Variants in SDK1 observed in about 807,000 individuals in gnomAD.
The protein encoded by SDK1 is protein sidekick-1.
SDK1 carries 157 observed loss-of-function variants against 245.5 expected under a neutral mutation model. The observed-to-expected ratio is 0.64, with a 90% CI of 0.56 to 0.73. The LOEUF (loss-of-function observed/expected upper bound fraction) is 0.73. SDK1 is among the 30% of genes least tolerant of loss of function. The pLI is 0.00. For synonymous variants in SDK1, 1,647 were observed against 1,278.5 expected (o/e 1.29, Z -6.15); for missense variants, 3,583 against 3,002.3 (o/e 1.19, Z -4.52).
At chr7:3,701,340 A>C (rs1171950018) in intron 4 of SDK1, among the ~76,000 whole-genome samples, 1 of 152,258 alleles carries the variant, frequency 6.6e-6, no homozygotes, top group Non-Finnish European at 1.5e-5. Flanking sequence ...GTCTATAAAA[A>C]GTGGACTATG....
At chr7:4,124,722 G>T (rs1392506092) in intron 25 of SDK1, among the ~76,000 whole-genome samples, 4 of 152,218 alleles carry the variant, frequency 2.6e-5, no homozygotes, top group Non-Finnish European at 4.4e-5. Context: ...GCATTATTGT[G>T]CAAGCCCCCC....
intron 1 of SDK1, among the ~76,000 whole-genome samples, chr7:3,540,664 A>G (rs1779029479): frequency 6.6e-6 from 1 of 152,160 alleles, no homozygotes; most frequent in South Asian, 2.1e-4. Flanking sequence ...ACATGCAGCT[A>G]TTTTGGGTCT....
intron 1 of SDK1, chr7:3,476,003 T>C (rs1456578537): frequency 6.5e-6 from 1 of 152,678 alleles, no homozygotes; most frequent in Admixed American, 6.5e-5. Flanking sequence ...TATCTTTTGG[T>C]AATTAAAACT....
chr7:3,453,471 G>T (rs943179078), intron 1 of SDK1, among the ~76,000 whole-genome samples: 10 of 152,266 alleles, frequency 6.6e-5, no homozygotes, highest in African/African-American at 2.4e-4. Context: ...TGGATTATCT[G>T]GTGGACCCTA....
At chr7:3,518,680 A>C (rs1177028833) in intron 1 of SDK1, among the ~76,000 whole-genome samples, 2 of 152,050 alleles carry the variant, frequency 1.3e-5, no homozygotes, top group African/African-American at 2.4e-5. Flanking sequence ...ACAAAAAAAA[A>C]CATGCTGGCA....
rs556775905 is a variant in SDK1, at chr7:3,401,994, T to A, written c.298+100110T>A. On this transcript the variant is annotated intron_variant, in intron 1 of 44. Coordinates refer to ENST00000404826, the MANE Select transcript of SDK1 (RefSeq NM_152744.4). Reference sequence around the variant, plus strand: ...TTAGGAGGTAAGAACACCTGCTGAATATGTACCTTGAGCTAGCTATTGTGG... The same window carrying A: ...TTAGGAGGTAAGAACACCTGCTGAAAATGTACCTTGAGCTAGCTATTGTGG... Among the ~76,000 whole-genome samples the A allele has an allele frequency of 2.6e-5, 4 of 152,286 alleles. No individual in the cohort carries two copies. The East Asian group carries it at 7.7e-4, about 29-fold the overall frequency.
chr7:3,425,303 G>A (rs1282766661), intron 1 of SDK1, among the ~76,000 whole-genome samples: 1 of 151,938 alleles, frequency 6.6e-6, no homozygotes, highest in Non-Finnish European at 1.5e-5. Context: ...TATCTGTTGA[G>A]GACTTTTATG....
intron 5 of SDK1, among the ~76,000 whole-genome samples, chr7:3,870,379 A>G (rs1440724847): frequency 6.6e-6 from 1 of 152,168 alleles, no homozygotes; most frequent in Non-Finnish European, 1.5e-5. Context: ...CATCAGGAGT[A>G]AAAGGAGTGC....
chr7:3,412,158 G>A (rs1450155507), intron 1 of SDK1, among the ~76,000 whole-genome samples: 1 of 152,056 alleles, frequency 6.6e-6, no homozygotes, highest in African/African-American at 2.4e-5. Flanking sequence ...GTAAGATGTG[G>A]GCAATTAATA....
chr7:4,264,554 AGGGAGGCCGCGTGGACCTCTCCTGAGTG>A (rs1320048186), intron 44 of SDK1, among the ~76,000 whole-genome samples: 4 of 78,310 alleles, frequency 5.1e-5, no homozygotes, highest in Admixed American at 1.8e-4. Flanking sequence ...CTCCTGAGTG[AGGGAGGCCGCGTGGACCTCTCCTGAGTG>A]GGGAGGCCGC....
At chr7:3,536,894 A>C (rs1385323882) in intron 1 of SDK1, among the ~76,000 whole-genome samples, 4 of 152,232 alleles carry the variant, frequency 2.6e-5, no homozygotes, top group African/African-American at 9.6e-5. Flanking sequence ...ATTATGAATC[A>C]GTAGTTGTTT....
intron 4 of SDK1, among the ~76,000 whole-genome samples, chr7:3,796,943 G>T (rs945424797): frequency 1.3e-5 from 2 of 151,706 alleles, no homozygotes; most frequent in African/African-American, 2.4e-5. Context: ...TTTTATTTTA[G>T]ATACACATAA....
At chr7:3,896,189 C>T (rs1781600951) in intron 5 of SDK1, among the ~76,000 whole-genome samples, 1 of 152,214 alleles carries the variant, frequency 6.6e-6, no homozygotes, top group African/African-American at 2.4e-5. Context: ...TATTTACTCA[C>T]ATATTGACCA....
rs6979433 is a variant in SDK1 at position 4,127,833 on chromosome 7, G to T, written c.3939+337G>T. Among the ~76,000 whole-genome samples, 906 of 152,314 alleles carry T rather than the reference G, an allele frequency of 5.9e-3. 6 individuals carry two copies. Among genetic ancestry groups the T allele is most frequent in the African/African-American group, 0.021 (883 of 41,570 alleles). On this transcript the variant is annotated intron_variant, in intron 26 of 44. Coordinates refer to ENST00000404826, the MANE Select transcript of SDK1 (RefSeq NM_152744.4). ...TGAAGCCCTGTGCTTGTGTCTCCCC[G>T]CTTGTAAAACGGGAATAACGATGGT... is the stretch of plus-strand genomic sequence containing the variant.
At chr7:3,458,071 T>C (rs921827417) in intron 1 of SDK1, among the ~76,000 whole-genome samples, 1 of 152,180 alleles carries the variant, frequency 6.6e-6, no homozygotes, top group African/African-American at 2.4e-5. Flanking sequence ...TTGGATTCTT[T>C]TTTGTGTGTG....
At chr7:3,330,807 T>TAAA (rs35013618) in intron 1 of SDK1, among the ~76,000 whole-genome samples, 44 of 115,330 alleles carry the variant, frequency 3.8e-4, no homozygotes, top group East Asian at 1.1e-3. Context: ...CCATTTCGCT[T>TAAA]AAAAAAAAAA....
chr7:3,754,369 C>T (rs955707765), intron 4 of SDK1, among the ~76,000 whole-genome samples: 9 of 152,026 alleles, frequency 5.9e-5, no homozygotes, highest in Admixed American at 2.6e-4. Flanking sequence ...TAATATTTCC[C>T]CTGAAATTCA....
Position 3,343,332 on chromosome 7 carries a change from A to G in SDK1, c.298+41448A>G, listed in dbSNP as rs567242780. On this transcript the variant is annotated intron_variant, in intron 1 of 44. Transcript: ENST00000404826. ...CTTCTGTATCATGATTACTTCTCAC[A>G]ATAAAAAGGGCCAAAGTATTGATGC... Among the ~76,000 whole-genome samples, 5 of 152,378 alleles carry G rather than the reference A, an allele frequency of 3.3e-5. No homozygotes were observed. The South Asian group carries it at 1.0e-3, about 32-fold the overall frequency.
chr7:4,234,179 C>G (rs1168661004), intron 41 of SDK1, among the ~76,000 whole-genome samples: 1 of 152,186 alleles, frequency 6.6e-6, no homozygotes, highest in African/African-American at 2.4e-5. Flanking sequence ...CTGCTCTGGG[C>G]TCAAGGTGAG....
Sources: gnomAD v4.1 joint callset for allele counts (sites outside exome capture counted in the v4.1 genomes callset) on GRCh38, gnomAD v4.1.1 for gene constraint, MANE v1.5 for transcripts, NCBI Gene and HGNC (gene_info 2026-07-23, HGNC 2026-07-21) for gene names.